The following RPS6KC1 variants were observed in gnomAD, a reference collection of about 807,000 sequenced individuals.
The protein encoded by RPS6KC1 is inactive ribosomal protein S6 kinase delta-1.
RPS6KC1 carries 54 observed loss-of-function variants against 103.8 expected under a neutral mutation model. The observed-to-expected ratio is 0.52, with a 90% CI of 0.42 to 0.65. The LOEUF is 0.65. RPS6KC1 is among the 30% of genes least tolerant of loss of function. RPS6KC1 has a pLI of 0.00. For missense variants in RPS6KC1, 1,151 were observed against 1,253.8 expected (o/e 0.92, Z 1.24); for synonymous variants, 439 against 438.7 (o/e 1.00, Z -0.01).
chr1:213,848,159 A>C, the RPS6KC1 span, among the ~76,000 whole-genome samples: 4 of 152,226 alleles, frequency 2.6e-5, no homozygotes, highest in African/African-American at 4.8e-5. Flanking sequence ...TAATTTATAT[A>C]ATGTTAACTA....
the RPS6KC1 span, among the ~76,000 whole-genome samples, chr1:213,307,045 A>G: frequency 6.6e-6 from 1 of 150,790 alleles, no homozygotes; most frequent in South Asian, 2.1e-4. Flanking sequence ...ATGCACTCCC[A>G]TAAGAAGGAT....
At chr1:213,527,014 A>G in the RPS6KC1 span, among the ~76,000 whole-genome samples, 2 of 152,196 alleles carry the variant, frequency 1.3e-5, no homozygotes, top group Non-Finnish European at 2.9e-5. Context: ...GCCTCACCCC[A>G]TTTGTCAGAA....
chr1:213,720,596 G>C, the RPS6KC1 span, among the ~76,000 whole-genome samples: 6 of 152,322 alleles, frequency 3.9e-5, no homozygotes, highest in South Asian at 1.2e-3. Flanking sequence ...AAAATGTCAG[G>C]AGAACTTGTT....
the RPS6KC1 span, among the ~76,000 whole-genome samples, chr1:213,830,466 T>TTA: frequency 3.3e-5 from 5 of 152,142 alleles, no homozygotes; most frequent in African/African-American, 4.8e-5. Flanking sequence ...TGGCTTAGGT[T>TTA]TAGCCTCCAA....
chr1:213,150,261 TCTTG>T (rs2088514460), intron 6 of RPS6KC1, among the ~76,000 whole-genome samples: 1 of 151,712 alleles, frequency 6.6e-6, no homozygotes. Context: ...GGATTTAGTT[TCTTG>T]CTTTTTATTT....
At chr1:213,776,673 C>A in the RPS6KC1 span, among the ~76,000 whole-genome samples, 1 of 152,174 alleles carries the variant, frequency 6.6e-6, no homozygotes, top group Non-Finnish European at 1.5e-5. Flanking sequence ...ACTTAAGTCA[C>A]CAGCTCCATT....
At chr1:213,585,562 C>T in the RPS6KC1 span, among the ~76,000 whole-genome samples, 1 of 152,180 alleles carries the variant, frequency 6.6e-6, no homozygotes, top group Admixed American at 6.5e-5. Context: ...TCCCAAGTGA[C>T]CTTCAGCACC....
At chr1:213,393,418 G>A in the RPS6KC1 span, among the ~76,000 whole-genome samples, 1 of 151,940 alleles carries the variant, frequency 6.6e-6, no homozygotes, top group Admixed American at 6.6e-5. Context: ...CCTTCACTCC[G>A]AAGTTCAAAT....
chr1:213,428,543 T>A, the RPS6KC1 span, among the ~76,000 whole-genome samples: 1 of 121,758 alleles, frequency 8.2e-6, no homozygotes, highest in Non-Finnish European at 1.7e-5. Context: ...TCTCTCTCTT[T>A]CTTTCTTTCT....
chr1:213,322,452 TTAGAAA>T, the RPS6KC1 span, among the ~76,000 whole-genome samples: 1 of 152,150 alleles, frequency 6.6e-6, no homozygotes, highest in African/African-American at 2.4e-5. Context: ...GGCTTTTGTT[TTAGAAA>T]TAGACCACAG....
chr1:213,527,036 G>T, the RPS6KC1 span, among the ~76,000 whole-genome samples: 2 of 152,142 alleles, frequency 1.3e-5, no homozygotes, highest in South Asian at 4.2e-4. Flanking sequence ...GGGATGCCTT[G>T]GGCAAGTCAT....
intron 1 of RPS6KC1, among the ~76,000 whole-genome samples, chr1:213,068,377 G>A (rs908254116): frequency 1.3e-5 from 2 of 151,240 alleles, no homozygotes; most frequent in African/African-American, 4.9e-5. Context: ...CCAGGTACTC[G>A]GGAGGCTGAG....
the RPS6KC1 span, among the ~76,000 whole-genome samples, chr1:213,816,527 A>G: frequency 6.6e-6 from 1 of 152,162 alleles, no homozygotes. Flanking sequence ...AGCCCAGGTT[A>G]CAATCCAGTG....
chr1:213,535,108 C>T, the RPS6KC1 span, among the ~76,000 whole-genome samples: 1 of 152,208 alleles, frequency 6.6e-6, no homozygotes, highest in African/African-American at 2.4e-5. Flanking sequence ...CAAGCAGGCT[C>T]CATATGGAGG....
intron 3 of RPS6KC1, among the ~76,000 whole-genome samples, chr1:213,080,845 G>A (rs921663803): frequency 1.3e-5 from 2 of 152,198 alleles, no homozygotes; most frequent in African/African-American, 2.4e-5. Flanking sequence ...GATTATAAGC[G>A]TGAGCCACCG....
chr1:213,862,404 A>G, the RPS6KC1 span, among the ~76,000 whole-genome samples: 3 of 152,212 alleles, frequency 2.0e-5, no homozygotes, highest in Non-Finnish European at 4.4e-5. Flanking sequence ...CCTGGGCCAG[A>G]GTGCATGCCA....
intron 8 of RPS6KC1, among the ~76,000 whole-genome samples, chr1:213,178,614 A>G (rs944641964): frequency 5.9e-5 from 9 of 152,152 alleles, no homozygotes; most frequent in African/African-American, 2.2e-4. Flanking sequence ...AGGACTTTTG[A>G]CAGTAGAAGA....
chr1:213,770,352 C>T, the RPS6KC1 span, among the ~76,000 whole-genome samples: 2 of 152,134 alleles, frequency 1.3e-5, no homozygotes, highest in African/African-American at 4.8e-5. Context: ...TTTTACAACA[C>T]TGATTGTATA....
At chr1:213,248,317 A>G (rs2094488949) in intron 12 of RPS6KC1, among the ~76,000 whole-genome samples, 1 of 152,166 alleles carries the variant, frequency 6.6e-6, no homozygotes, top group South Asian at 2.1e-4. Flanking sequence ...TGTTTTATTT[A>G]CCCTTAAGCA....
Sources: gnomAD v4.1 joint callset for allele counts (sites outside exome capture counted in the v4.1 genomes callset) on GRCh38, gnomAD v4.1.1 for gene constraint, MANE v1.5 for transcripts, NCBI Gene and HGNC (gene_info 2026-07-23, HGNC 2026-07-21) for gene names.